Variants in ATXN7L1 observed in about 807,000 individuals in gnomAD.
ATXN7L1 encodes ataxin-7-like protein 1.
ATXN7L1 carries 15 observed loss-of-function variants against 70.8 expected under a neutral mutation model. That is an observed-to-expected ratio of 0.21 (90% CI 0.14 to 0.33). The LOEUF (loss-of-function observed/expected upper bound fraction) is 0.33, where lower values mean the gene tolerates loss of function less well. ATXN7L1 is among the 10% of genes least tolerant of loss of function. The probability of loss-of-function intolerance (pLI) is 1.00; values close to 1 mark genes in which losing one functional copy is unlikely to be tolerated. For missense variants in ATXN7L1, 975 were observed against 1,097.1 expected, an observed-to-expected ratio of 0.89 and a Z score of 1.57; for synonymous variants, 440 against 445.1, an observed-to-expected ratio of 0.99 and a Z score of 0.14.
rs1232202676 is a variant in ATXN7L1 at position 105,727,746 on chromosome 7, GTATATATATATA to G, written c.355+60846_355+60857del. 6.9e-4 allele frequency among the ~76,000 whole-genome samples: 38 copies of G among 55,342 alleles called. 2 individuals are homozygous for G. Among genetic ancestry groups the G allele is most frequent in the Admixed American group, 2.2e-3 (9 of 4,062 alleles). 36.3% of individuals were successfully genotyped at this position (55,342 alleles called of 152,430 possible). On this transcript the variant is annotated intron_variant, in intron 3 of 11. Transcript: ENST00000419735. ...CATAGGGGTGTGTGTGTGTATGTGTGTATATATATATATATATATATATATATATATACACAC... is the reference window on the plus strand; with the variant it reads ...CATAGGGGTGTGTGTGTGTATGTGTGTATATATATATATATATATACACAC...
chr7:105,869,974 G>T (rs758134048), intron 2 of ATXN7L1, among the ~76,000 whole-genome samples: 1 of 152,116 alleles, frequency 6.6e-6, no homozygotes, highest in Non-Finnish European at 1.5e-5. Context: ...TCACTTAACT[G>T]CACTCTATTA....
In ATXN7L1 at chr7:105,730,263, C is replaced by T. The variant is rs150228332; in HGVS notation, c.355+58341G>A. Among the ~76,000 whole-genome samples, 483 of 152,312 alleles carry T rather than the reference C, an allele frequency of 3.2e-3. 3 individuals are homozygous for T. The highest frequency in any genetic ancestry group is 0.01 in the African/African-American group (431 of 41,562). On this transcript the variant is annotated intron_variant, in intron 3 of 11. Coordinates refer to ENST00000419735, the MANE Select transcript of ATXN7L1 (RefSeq NM_020725.2). ...CTTGATGTATGTGATGAAAATGGCA[C>T]TTTACCTCTGTGGTCTTTACCCCCA...
In ATXN7L1 at chr7:105,706,713, C is replaced by G. The variant is rs541018650; in HGVS notation, c.356-41425G>C. On this transcript the variant is annotated intron_variant, in intron 3 of 11. Transcript: ENST00000419735. Reference sequence around the variant, plus strand: ...CAAGGACAGGCTGCACTCACCAACTCTGTGGCTTCTAGGTCCCCGATGTAG... The same window carrying G: ...CAAGGACAGGCTGCACTCACCAACTGTGTGGCTTCTAGGTCCCCGATGTAG... Among the ~76,000 whole-genome samples, 32 of 152,376 alleles carry G rather than the reference C, an allele frequency of 2.1e-4. No homozygotes were observed. In the South Asian group the frequency reaches 6.6e-3, roughly 32 times the overall value.
chr7:105,876,520 A>G lies in ATXN7L1; in HGVS notation c.39T>C (p.Ala13=). ...TTTTCCCTGTTCCTTCGGCAGCAGC[A>G]GCCGAGAGACACGGGATTCGAGAAC... ...SERSRIPCLS[A]AAAEGTGKKQ... Residue 13 remains alanine (A), a synonymous_variant, in exon 1 of 12, where the codon GCT becomes GCC. Coordinates refer to ENST00000419735, the MANE Select transcript of ATXN7L1 (RefSeq NM_020725.2). 6.2e-7 allele frequency: 1 copy of G among 1,610,260 alleles called. No individual in the cohort carries two copies. The highest frequency in any genetic ancestry group is 8.5e-7 in the Non-Finnish European group (1 of 1,178,244).
At chr7:105,840,495 C>T (rs560840297) in intron 2 of ATXN7L1, among the ~76,000 whole-genome samples, 28 of 152,298 alleles carry the variant, frequency 1.8e-4, no homozygotes, top group South Asian at 1.2e-3. Context: ...TGCCAACACA[C>T]CAGCTCTTCT....
rs386410908 is a variant in ATXN7L1 at position 105,624,649 on chromosome 7, C to CAAAAA, written c.1203-387_1203-383dup. Among the ~76,000 whole-genome samples the CAAAAA allele has an allele frequency of 3.1e-4, 36 of 114,884 alleles. 2 individuals carry two copies. In the East Asian group the frequency reaches 5.0e-3, roughly 16 times the overall value. 75.4% of individuals were successfully genotyped at this position (114,884 alleles called of 152,430 possible). On this transcript the variant is annotated intron_variant, in intron 7 of 11. Transcript: ENST00000419735. Reference sequence around the variant, plus strand: ...TGGGCGACAGAGCAAGACTCTGTCTCAAAAAAAAAAAAAAAAACAGCCTGA... The same window carrying CAAAAA: ...TGGGCGACAGAGCAAGACTCTGTCTCAAAAAAAAAAAAAAAAAAAAAACAGCCTGA...
At chr7:105,843,767 T>C (rs1813569465) in intron 2 of ATXN7L1, among the ~76,000 whole-genome samples, 1 of 152,202 alleles carries the variant, frequency 6.6e-6, no homozygotes, top group African/African-American at 2.4e-5. Flanking sequence ...GAAAACACCA[T>C]TGCATGTTTC....
intron 4 of ATXN7L1, among the ~76,000 whole-genome samples, chr7:105,651,038 G>A (rs182783280): frequency 7.9e-5 from 12 of 152,244 alleles, no homozygotes; most frequent in African/African-American, 2.4e-4. Context: ...GATGCATTAC[G>A]GTATCACAGC....
At chr7:105,751,073 C>T (rs1230182794) in intron 3 of ATXN7L1, among the ~76,000 whole-genome samples, 1 of 152,130 alleles carries the variant, frequency 6.6e-6, no homozygotes, top group African/African-American at 2.4e-5. Context: ...TCCCCAATTG[C>T]TGAACATTTT....
Position 105,676,004 on chromosome 7 carries a change from C to T in ATXN7L1, c.356-10716G>A, listed in dbSNP as rs555835542. Among the ~76,000 whole-genome samples, 3 of 151,814 alleles carry T rather than the reference C, an allele frequency of 2.0e-5. No individual in the cohort carries two copies. In the South Asian group the frequency reaches 6.2e-4, roughly 32 times the overall value. On this transcript the variant is annotated intron_variant, in intron 3 of 11. Coordinates refer to ENST00000419735, the MANE Select transcript of ATXN7L1 (RefSeq NM_020725.2). Reference sequence around the variant, plus strand: ...GTTGCTGTCACTGCTAGACCTTTGTCATCAGAGGGCTTCCTGTGCTCAGGG... The same window carrying T: ...GTTGCTGTCACTGCTAGACCTTTGTTATCAGAGGGCTTCCTGTGCTCAGGG...
chr7:105,684,100 G>C (rs945256598), intron 3 of ATXN7L1, among the ~76,000 whole-genome samples: 1 of 152,196 alleles, frequency 6.6e-6, no homozygotes, highest in Non-Finnish European at 1.5e-5. Flanking sequence ...CGGTGAGCCA[G>C]GTAAGTGGTG....
intron 2 of ATXN7L1, among the ~76,000 whole-genome samples, chr7:105,866,346 A>T (rs141950125): frequency 4.1e-4 from 63 of 152,240 alleles, no homozygotes; most frequent in Middle Eastern, 3.4e-3. Flanking sequence ...TTTGGTTTCC[A>T]TTTCTTCTGT....
At chr7:105,834,971 G>A (rs1243373604) in intron 2 of ATXN7L1, among the ~76,000 whole-genome samples, 1 of 151,880 alleles carries the variant, frequency 6.6e-6, no homozygotes, top group African/African-American at 2.4e-5. Flanking sequence ...TGGTCTCTGG[G>A]ACTCACTGAA....
intron 2 of ATXN7L1, among the ~76,000 whole-genome samples, chr7:105,842,460 T>C (rs915918504): frequency 3.9e-5 from 6 of 152,228 alleles, no homozygotes; most frequent in Non-Finnish European, 8.8e-5. Context: ...CATGGAATCA[T>C]CCAATATATG....
chr7:105,654,384 T>G (rs2115997732), intron 4 of ATXN7L1, among the ~76,000 whole-genome samples: 1 of 152,374 alleles, frequency 6.6e-6, no homozygotes, highest in Admixed American at 6.5e-5. Context: ...TTAATCTCTA[T>G]CCCCAATTTC....
At chr7:105,668,336 C>T (rs530895985) in intron 3 of ATXN7L1, among the ~76,000 whole-genome samples, 40 of 152,288 alleles carry the variant, frequency 2.6e-4, no homozygotes, top group Middle Eastern at 3.4e-3. Context: ...CAGGTTCAAG[C>T]GATCCTCCCA....
intron 4 of ATXN7L1, among the ~76,000 whole-genome samples, chr7:105,655,717 G>T (rs899596415): frequency 1.3e-5 from 2 of 152,172 alleles, no homozygotes; most frequent in Non-Finnish European, 2.9e-5. Context: ...TCTGGCCAGG[G>T]CCTCTCAGTG....
chr7:105,840,017 G>A (rs1316543962), intron 2 of ATXN7L1, among the ~76,000 whole-genome samples: 2 of 152,216 alleles, frequency 1.3e-5, no homozygotes, highest in African/African-American at 4.8e-5. Flanking sequence ...GTAGGAAGTT[G>A]CCAGGTGGAC....
intron 3 of ATXN7L1, among the ~76,000 whole-genome samples, chr7:105,682,745 A>G (rs530895162): frequency 6.6e-6 from 1 of 152,214 alleles, no homozygotes; most frequent in Non-Finnish European, 1.5e-5. Context: ...AAATCCATAG[A>G]TAAGAAAAGC....
Sources: gnomAD v4.1 joint callset for allele counts (sites outside exome capture counted in the v4.1 genomes callset) on GRCh38, gnomAD v4.1.1 for gene constraint, MANE v1.5 for transcripts, NCBI Gene and HGNC (gene_info 2026-07-23, HGNC 2026-07-21) for gene names.